The following TNFSF11 variants were observed in gnomAD, a reference collection of about 807,000 sequenced individuals.
TNFSF11 encodes tumor necrosis factor ligand superfamily member 11.
In TNFSF11, 12 loss-of-function variants were observed where a neutral mutation model predicts 32.2. The ratio of observed to expected loss-of-function variants is 0.37; its 90% CI spans 0.24 to 0.60. The LOEUF is 0.60. Among genes scored for constraint, TNFSF11 ranks in the 20% least tolerant of loss-of-function variants. The probability of loss-of-function intolerance (pLI) is 0.66; values close to 1 mark genes in which losing one functional copy is unlikely to be tolerated. For missense variants in TNFSF11, 345 were observed against 398.0 expected (o/e 0.87, Z 1.13); for synonymous variants, 172 against 152.1 (o/e 1.13, Z -0.96).
intron 2 of TNFSF11, among the ~76,000 whole-genome samples, chr13:42,582,951 A>T (rs898642195): frequency 2.0e-5 from 3 of 152,184 alleles, no homozygotes; most frequent in African/African-American, 4.8e-5. Context: ...TGGGCAAAAG[A>T]TTGTGCCCTA....
chr13:42,600,899 A>G lies in TNFSF11; in HGVS notation c.450A>G (p.Ser150=). 1.2e-6 allele frequency: 2 copies of G among 1,614,122 alleles called. No individual in the cohort carries two copies. The highest frequency in any genetic ancestry group is 1.7e-6 in the Non-Finnish European group (2 of 1,179,998). ...CATCTCCAGCGATGGTGGATGGCTC[A>G]TGGTTAGATCTGGCCAAGAGGAGCA... ...IRAEKAMVDG[S]WLDLAKRSKL... The change falls in exon 4 of 5, where the codon TCA becomes TCG. Residue 150 remains serine, a synonymous_variant. Coordinates refer to ENST00000398795, the MANE Select transcript of TNFSF11 (RefSeq NM_003701.4).
intron 2 of TNFSF11, among the ~76,000 whole-genome samples, chr13:42,589,581 G>C (rs1247949930): frequency 2.0e-5 from 3 of 152,202 alleles, no homozygotes; most frequent in Non-Finnish European, 2.9e-5. Flanking sequence ...CCTCGTTCCA[G>C]CCCCTGCCTC....
At chr13:42,578,409 TC>T (rs1224180772) in intron 1 of TNFSF11, among the ~76,000 whole-genome samples, 1 of 152,188 alleles carries the variant, frequency 6.6e-6, no homozygotes, top group Non-Finnish European at 1.5e-5. Flanking sequence ...CCTCTCCTCC[TC>T]CGTTTTCTCC....
At position 42,574,496 on chromosome 13, in the gene TNFSF11, G is replaced by T. The variant is rs1010895080; in HGVS notation, c.193G>T (p.Ala65Ser). ...LGLGQVVCSV[A>S]LFFYFRAQMD... ...GCTGGGCCAGGTTGTCTGCAGCGTC[G>T]CCCTGTTCTTCTATTTCAGAGCGCA... The change falls in exon 1 of 5, where the codon GCC becomes TCC. Residue 65 changes from alanine to serine, a missense_variant. Ala to Ser is a moderately conservative substitution (Grantham distance 99). Around this residue, in one of 2 missense-constraint regions of TNFSF11, gnomAD observed 197 missense variants for 182.0 expected, o/e 1.08. Coordinates refer to ENST00000398795, the MANE Select transcript of TNFSF11 (RefSeq NM_003701.4). 6.2e-7 allele frequency: 1 copy of T among 1,608,900 alleles called. No homozygotes were observed. The highest frequency in any genetic ancestry group is 8.5e-7 in the Non-Finnish European group (1 of 1,179,838).
At position 42,583,996 on chromosome 13, in the gene TNFSF11, C is replaced by T. The variant is rs139816905; in HGVS notation, c.387+2703C>T. On this transcript the variant is annotated intron_variant, in intron 2 of 4. Transcript: ENST00000398795. ...TAATAATCACTAGCTGTCCTTATTT[C>T]AAATAACTAGAAAACATGAGTGAAA... Among the ~76,000 whole-genome samples, 422 of 152,126 alleles carry T rather than the reference C, an allele frequency of 2.8e-3. 1 individual carries two copies. Among genetic ancestry groups the T allele is most frequent in the Non-Finnish European group, 4.7e-3 (318 of 68,004 alleles).
At chr13:42,590,788 C>A (rs1251896345) in intron 2 of TNFSF11, among the ~76,000 whole-genome samples, 1 of 152,128 alleles carries the variant, frequency 6.6e-6, no homozygotes, top group Non-Finnish European at 1.5e-5. Flanking sequence ...CCCAAGGGGA[C>A]CTTTATCTGT....
chr13:42,591,536 A>G (rs1376561641), intron 2 of TNFSF11, among the ~76,000 whole-genome samples: 1 of 152,172 alleles, frequency 6.6e-6, no homozygotes, highest in Admixed American at 6.5e-5. Flanking sequence ...TATAACATGT[A>G]TTCAGGCAAC....
chr13:42,583,210 A>G (rs1873702317), intron 2 of TNFSF11, among the ~76,000 whole-genome samples: 1 of 151,922 alleles, frequency 6.6e-6, no homozygotes, highest in Non-Finnish European at 1.5e-5. Context: ...CAGGAGTTTG[A>G]GAACATGCTG....
chr13:42,574,507 C>G lies in TNFSF11; in HGVS notation c.204C>G (p.Phe68Leu). The stretch of plus-strand genomic sequence containing the variant: ...TTGTCTGCAGCGTCGCCCTGTTCTT[C>G]TATTTCAGAGCGCAGGTGAGTGGCC... ...GQVVCSVALF[F>L]YFRAQMDPNR... The change falls in exon 1 of 5, where the codon TTC (phenylalanine) becomes TTG (leucine). Residue 68 changes from phenylalanine to leucine, a missense_variant. Transcript: ENST00000398795. 2 of 1,608,576 alleles carry G rather than the reference C, an allele frequency of 1.2e-6. No individual in the cohort carries two copies. Among genetic ancestry groups the G allele is most frequent in the South Asian group, 2.2e-5 (2 of 90,836 alleles).
intron 1 of TNFSF11, among the ~76,000 whole-genome samples, chr13:42,563,341 C>A (rs2137838651): frequency 6.6e-6 from 1 of 152,234 alleles, no homozygotes; most frequent in Admixed American, 6.5e-5. Flanking sequence ...TAAAAGTGAC[C>A]AGAGGACTTT....
intron 2 of TNFSF11, among the ~76,000 whole-genome samples, chr13:42,593,289 G>A (rs1252958221): frequency 6.6e-6 from 1 of 152,184 alleles, no homozygotes; most frequent in Non-Finnish European, 1.5e-5. Context: ...ATATTACACA[G>A]GCCCAGTTAT....
At chr13:42,581,316 A>ACTATC (rs1447085006) in intron 2 of TNFSF11, 23 bp downstream of exon 2, 24 of 1,613,662 alleles carry the variant, frequency 1.5e-5, no homozygotes, top group Non-Finnish European at 1.9e-5. Context: ...CGAGGCTGAT[A>ACTATC]AGTCAAGGGC....
intron 2 of TNFSF11, among the ~76,000 whole-genome samples, chr13:42,585,983 T>A (rs1471262244): frequency 6.6e-6 from 1 of 152,256 alleles, no homozygotes; most frequent in Admixed American, 6.5e-5. Context: ...GCATTAAAGA[T>A]GATCCCCTGG....
chr13:42,565,450 GACA>G, intron 1 of TNFSF11, among the ~76,000 whole-genome samples: 1 of 152,072 alleles, frequency 6.6e-6, no homozygotes, highest in Non-Finnish European at 1.5e-5. Context: ...GCTTTGTGGG[GACA>G]ACAATTATCT....
intron 2 of TNFSF11, among the ~76,000 whole-genome samples, chr13:42,584,094 A>G (rs764995662): frequency 1.3e-5 from 2 of 152,214 alleles, no homozygotes; most frequent in Non-Finnish European, 2.9e-5. Context: ...TAGGAATAAA[A>G]CTAGAAACCT....
intron 1 of TNFSF11, among the ~76,000 whole-genome samples, chr13:42,575,145 C>T (rs1873247629): frequency 6.6e-6 from 1 of 152,094 alleles, no homozygotes; most frequent in Non-Finnish European, 1.5e-5. Context: ...GCGGCTGTGG[C>T]GCTGTCCTGT....
intron 2 of TNFSF11, among the ~76,000 whole-genome samples, chr13:42,586,054 AG>A (rs1191522835): frequency 3.9e-5 from 6 of 152,360 alleles, no homozygotes; most frequent in African/African-American, 1.4e-4. Flanking sequence ...AGCTTTTAAA[AG>A]CTGTGCTTTA....
At chr13:42,604,021 G>T (rs1869318063) in intron 4 of TNFSF11, among the ~76,000 whole-genome samples, 1 of 152,148 alleles carries the variant, frequency 6.6e-6, no homozygotes, top group South Asian at 2.1e-4. Context: ...ATCGGTCAAG[G>T]TTCCTCTCTT....
intron 1 of TNFSF11, among the ~76,000 whole-genome samples, chr13:42,577,313 T>C (rs994673805): frequency 1.3e-5 from 2 of 152,208 alleles, no homozygotes; most frequent in Non-Finnish European, 2.9e-5. Context: ...TTTTCTTAAA[T>C]GTTTGAATAG....
Sources: allele counts gnomAD v4.1 joint callset (sites outside exome capture counted in the v4.1 genomes callset), GRCh38; gene constraint gnomAD v4.1.1; regional missense constraint gnomAD v4.1.1; transcripts MANE v1.5; gene names NCBI Gene and HGNC (gene_info 2026-07-23, HGNC 2026-07-21).